UACA: variants seen among roughly 807,000 people sequenced by gnomAD.
The protein encoded by UACA is nuclear membrane binding protein.
A neutral mutation model predicts 160.5 loss-of-function variants in UACA; 112 were observed. That is an observed-to-expected ratio of 0.70 (90% confidence interval 0.60 to 0.82). UACA has a LOEUF of 0.82. Ranked by LOEUF, UACA falls within the 40% of genes least tolerant of loss-of-function variation. The pLI is 0.00. For missense variants in UACA, 1,574 were observed against 1,614.6 expected (o/e 0.97, Z 0.43); for synonymous variants, 557 against 568.4 (o/e 0.98, Z 0.29).
rs768854006 is a variant in UACA, at chr15:70,664,639, G to T, written c.4113+23C>A. On this transcript the variant is annotated intron_variant, in intron 17 of 18. Coordinates refer to ENST00000322954, the MANE Select transcript of UACA (RefSeq NM_018003.4). ...GGGAGCCAGCACATATTCCTGCAAA[G>T]CCCCGTGTGCCTGGTTACTCACGGC... The T allele has an allele frequency of 5.0e-6, 8 of 1,596,514 alleles. No individual in the cohort carries two copies. The Admixed American group carries it at 1.4e-4, about 28-fold the overall frequency.
rs765893548 is a variant in UACA, at chr15:70,660,150, C to T, written c.4179+1G>A. The T allele has an allele frequency of 6.2e-7, 1 of 1,610,394 alleles. No homozygotes were observed. The stretch of plus-strand genomic sequence containing the variant: ...TTTCCAAAGGAGAAGTAGTTCTTTA[C>T]CTGTGCAGCACTAAGAAGGTGTGTC... On this transcript the variant is annotated splice_donor_variant, in intron 18 of 18. Coordinates refer to ENST00000322954, the MANE Select transcript of UACA (RefSeq NM_018003.4). LOFTEE classifies it high-confidence loss of function.
At chr15:70,770,876 C>CA in the UACA span, among the ~76,000 whole-genome samples, 4 of 152,266 alleles carry the variant, frequency 2.6e-5, no homozygotes, top group Admixed American at 2.6e-4. Flanking sequence ...TCAACAAATA[C>CA]AAAAAAGCCT....
At chr15:70,659,182 G>A (rs1290240574) in intron 18 of UACA, among the ~76,000 whole-genome samples, 1 of 152,014 alleles carries the variant, frequency 6.6e-6, no homozygotes, top group African/African-American at 2.4e-5. Flanking sequence ...GCTCAAAAGA[G>A]AGTAGCTAAG....
At chr15:70,771,750 G>A in the UACA span, among the ~76,000 whole-genome samples, 8 of 152,202 alleles carry the variant, frequency 5.3e-5, no homozygotes, top group African/African-American at 1.9e-4. Context: ...TTTGAACTAA[G>A]GTCTGAATTA....
chr15:70,674,890 C>T (rs1316151321), intron 13 of UACA, among the ~76,000 whole-genome samples: 6 of 152,198 alleles, frequency 3.9e-5, no homozygotes, highest in African/African-American at 9.7e-5. Context: ...TGAGACACTG[C>T]GCCTGGCCTA....
the UACA span, among the ~76,000 whole-genome samples, chr15:70,778,451 G>A: frequency 6.6e-6 from 1 of 152,110 alleles, no homozygotes; most frequent in East Asian, 1.9e-4. Context: ...CTTGGCTCAT[G>A]GCTCCTTTCT....
rs537872251 is a variant in UACA, at chr15:70,692,845, T to A, written c.302-1482A>T. On this transcript the variant is annotated intron_variant, in intron 3 of 18. Coordinates refer to ENST00000322954, the MANE Select transcript of UACA (RefSeq NM_018003.4). ...TGCTAGAAGAGTAATTTATGTTTTA[T>A]TCATCTTGGAGGGATAAATAAATTG... 3.3e-5 allele frequency among the ~76,000 whole-genome samples: 5 copies of A among 152,342 alleles called. No homozygotes were observed. In the East Asian group the frequency reaches 9.6e-4, roughly 29 times the overall value.
In UACA at chr15:70,667,146, C is replaced by G; in HGVS notation, c.3538G>C (p.Val1180Leu). 1 of 1,613,650 alleles carries G rather than the reference C, an allele frequency of 6.2e-7. No homozygotes were observed. Among genetic ancestry groups the G allele is most frequent in the Non-Finnish European group, 8.5e-7 (1 of 1,179,932 alleles). ...LQIKEAFEKE[V>L]GIIKASLREK... is the part of the protein sequence containing the mutation. ...CTCAAGCTGGCTTTTATGATTCCAACTTCTTTCTCAAATGCTTCTTTAATC... is the reference window on the plus strand; with the variant it reads ...CTCAAGCTGGCTTTTATGATTCCAAGTTCTTTCTCAAATGCTTCTTTAATC... Residue 1180 changes from valine (V) to leucine (L), a missense_variant, in exon 16 of 19, where the codon GTT (valine) becomes CTT (leucine). By Grantham distance (32) the Val-to-Leu change is conservative (BLOSUM62 1). Coordinates refer to ENST00000322954, the MANE Select transcript of UACA (RefSeq NM_018003.4).
Position 70,667,958 on chromosome 15 carries a change from C to T in UACA, c.2726G>A (p.Arg909Lys). 1 of 1,607,622 alleles carries T rather than the reference C, an allele frequency of 6.2e-7. No homozygotes were observed. Among genetic ancestry groups the T allele is most frequent in the Non-Finnish European group, 8.5e-7 (1 of 1,177,510 alleles). ...KIKDKNEILK[R>K]NLENTQNQIK... ...TTGGTTCTGAGTGTTTTCCAGGTTT[C>T]TTTTTAATATTTCATTCTTATCTTT... The change falls in exon 16 of 19, where the codon AGA becomes AAA. Residue 909 changes from arginine (R) to lysine (K), a missense_variant. Transcript: ENST00000322954.
chr15:70,694,903 G>C, intron 3 of UACA, 114 bp downstream of exon 3: 1 of 884,108 alleles, frequency 1.1e-6, no homozygotes, highest in Non-Finnish European at 1.8e-6. Flanking sequence ...TTTAAAAACA[G>C]AAAATTGAGG....
rs1898284590 is a variant in UACA at position 70,699,978 on chromosome 15, TACCAGGCACTA to T, written c.79-329_79-319del. ...CAATAACTACTGAACACCTACCCTG[TACCAGGCACTA>T]AAGTCCCAATCAACCCTAGTAAACT... On this transcript the variant is annotated intron_variant, in intron 1 of 18. Transcript: ENST00000322954. Among the ~76,000 whole-genome samples, 3 of 152,082 alleles carry T rather than the reference TACCAGGCACTA, an allele frequency of 2.0e-5. No homozygotes were observed. The South Asian group carries it at 6.2e-4, about 31-fold the overall frequency.
intron 12 of UACA, 90 bp from the exon 13 acceptor site, chr15:70,676,681 A>G: frequency 9.7e-7 from 1 of 1,032,600 alleles, no homozygotes; most frequent in South Asian, 1.4e-5. Flanking sequence ...TTGGAATTGC[A>G]TTGAGGACTG....
the UACA span, among the ~76,000 whole-genome samples, chr15:70,770,843 ACT>A: frequency 6.6e-6 from 1 of 152,174 alleles, no homozygotes; most frequent in Non-Finnish European, 1.5e-5. Flanking sequence ...TTGGCTCATA[ACT>A]CTGAAGTGGC....
At chr15:70,759,161 C>T (rs1434961553) in intron 1 of UACA, among the ~76,000 whole-genome samples, 1 of 152,202 alleles carries the variant, frequency 6.6e-6, no homozygotes. Flanking sequence ...CTTACAATAT[C>T]TGTTTGCAGC....
rs867498847 is a variant in UACA at position 70,763,342 on chromosome 15, G to C, written c.66C>G (p.Ala22=). ...CCGCGGGACTCACCGCGCTGGCGGCGGCGGCGCCAGACGACGCGGGGCCGG... is the reference window on the plus strand; with the variant it reads ...CCGCGGGACTCACCGCGCTGGCGGCCGCGGCGCCAGACGACGCGGGGCCGG... ...DVPGPASSGA[A]AASAHAADWN... The change falls in exon 1 of 19, where the codon GCC becomes GCG. Residue 22 remains alanine (A), a synonymous_variant. Transcript: ENST00000322954. 3 of 1,333,898 alleles carry C rather than the reference G, an allele frequency of 2.2e-6. No homozygotes were observed. Among genetic ancestry groups the C allele is most frequent in the Non-Finnish European group, 2.9e-6 (3 of 1,036,904 alleles). The allele number at this position is 1,333,898 out of a possible 1,614,324, so 82.6% of individuals were successfully genotyped here.
At chr15:70,676,811 GTT>G (rs1897316468) in intron 12 of UACA, among the ~76,000 whole-genome samples, 1 of 152,072 alleles carries the variant, frequency 6.6e-6, no homozygotes, top group Non-Finnish European at 1.5e-5. Flanking sequence ...TCAAATCTCT[GTT>G]TTCAATCTTA....
chr15:70,660,765 T>TAGAGAA (rs1896676528), intron 17 of UACA: 1 of 152,372 alleles, frequency 6.6e-6, no homozygotes, highest in African/African-American at 2.4e-5. Context: ...CAGTTTCACT[T>TAGAGAA]TCTCTATTTC....
In UACA at chr15:70,677,111, G is replaced by A. The variant is rs369346643; in HGVS notation, c.1029C>T (p.Ser343=). Residue 343 remains serine (S), a synonymous_variant, in exon 12 of 19, where the codon AGC becomes AGT. Coordinates refer to ENST00000322954, the MANE Select transcript of UACA (RefSeq NM_018003.4). ...TTAAAATAAAATGTCACCCTACCTCGCTTTCCAGATCATCAGCAACCATAA... is the reference window on the plus strand; with the variant it reads ...TTAAAATAAAATGTCACCCTACCTCACTTTCCAGATCATCAGCAACCATAA... ...EEVMVADDLE[S]EREKLKSLLA... 6 of 1,601,462 alleles carry A rather than the reference G, an allele frequency of 3.7e-6. No homozygotes were observed. Among genetic ancestry groups the A allele is most frequent in the Non-Finnish European group, 3.4e-6 (4 of 1,173,448 alleles).
At chr15:70,690,422 A>T (rs757183002) in intron 5 of UACA, 32 bp downstream of exon 5, 1 of 1,599,630 alleles carries the variant, frequency 6.3e-7, no homozygotes, top group Non-Finnish European at 8.6e-7. Flanking sequence ...CATTTTAACA[A>T]ATATTTGTAT....
Sources: gnomAD v4.1 joint callset for allele counts (sites outside exome capture counted in the v4.1 genomes callset) on GRCh38, gnomAD v4.1.1 for gene constraint, MANE v1.5 for transcripts, NCBI Gene and HGNC (gene_info 2026-07-23, HGNC 2026-07-21) for gene names.